The following MGAT5B variants were observed in gnomAD, a reference collection of about 807,000 sequenced individuals.
MGAT5B encodes N-acetylglucosaminyl-transferase Vb.
A neutral mutation model predicts 95.1 loss-of-function variants in MGAT5B; 54 were observed. The ratio of observed to expected loss-of-function variants is 0.57; its 90% CI spans 0.46 to 0.71. The LOEUF (loss-of-function observed/expected upper bound fraction) is 0.71, where lower values mean the gene tolerates loss of function less well. Among genes scored for constraint, MGAT5B ranks in the 30% least tolerant of loss-of-function variants. MGAT5B has a pLI of 0.00. For synonymous variants in MGAT5B, 464 were observed against 451.0 expected (o/e 1.03, Z -0.36); for missense variants, 935 against 1,088.6 (o/e 0.86, Z 1.99).
intron 10 of MGAT5B, among the ~76,000 whole-genome samples, chr17:76,927,814 G>T (rs537325345): frequency 1.3e-5 from 2 of 152,338 alleles, no homozygotes; most frequent in East Asian, 3.9e-4. Flanking sequence ...AGCATCTTGC[G>T]TGTGGCTCTT....
At chr17:76,944,036 G>A (rs1969955721) in intron 15 of MGAT5B, 1 of 152,280 alleles carries the variant, frequency 6.6e-6, no homozygotes, top group African/African-American at 2.4e-5. Context: ...TGTGTCCAGA[G>A]CAAGGCCATT....
At chr17:76,887,096 C>A (rs988012974) in intron 3 of MGAT5B, among the ~76,000 whole-genome samples, 4 of 152,082 alleles carry the variant, frequency 2.6e-5, no homozygotes. Flanking sequence ...CAGTTTATGT[C>A]TTAAGCTGGC....
At chr17:76,908,556 C>A (rs756511780) in intron 8 of MGAT5B, among the ~76,000 whole-genome samples, 1 of 151,468 alleles carries the variant, frequency 6.6e-6, no homozygotes, top group Admixed American at 6.6e-5. Flanking sequence ...CATGAGCCAC[C>A]GTGCTTGGCT....
At position 76,906,007 on chromosome 17, in the gene MGAT5B, C is replaced by T. The variant is rs139788478; in HGVS notation, c.856-11C>T. ...TCCTCTCTGCTGACCCTCTGTGTTC[C>T]GCCCACCCAGATCCTGGTCCACATC... On this transcript the variant is annotated splice_polypyrimidine_tract_variant and intron_variant, in intron 7 of 17. Coordinates refer to ENST00000569840, the MANE Select transcript of MGAT5B (RefSeq NM_001199172.2). The surrounding 1 kb of genome is among the most constrained non-coding windows in gnomAD (Gnocchi z 4.6). The T allele has an allele frequency of 3.8e-4, 611 of 1,594,194 alleles. 5 individuals carry two copies. The African/African-American group carries it at 5.9e-3, about 15-fold the overall frequency.
At chr17:76,903,436 G>A in intron 5 of MGAT5B, 60 bp downstream of exon 5, 17 of 1,434,396 alleles carry the variant, frequency 1.2e-5, no homozygotes, top group Non-Finnish European at 1.6e-5. Flanking sequence ...GTCTGGCCCT[G>A]GCCCCTCACC....
At position 76,880,245 on chromosome 17, in the gene MGAT5B, C is replaced by T. The variant is rs1967360473; in HGVS notation, c.182-1906C>T. Among the ~76,000 whole-genome samples, 4 of 152,266 alleles carry T rather than the reference C, an allele frequency of 2.6e-5. No individual in the cohort carries two copies. In the South Asian group the frequency reaches 8.3e-4, roughly 32 times the overall value. On this transcript the variant is annotated intron_variant, in intron 2 of 17. Transcript: ENST00000569840. ...TTCTTCAGAGCCAGGAGCCCTGTGT[C>T]TTTAAGGAAATCGCAGCTTCTCCTG...
chr17:76,926,471 C>T, intron 9 of MGAT5B, 126 bp from the exon 10 acceptor site: 1 of 915,394 alleles, frequency 1.1e-6, no homozygotes, highest in Non-Finnish European at 1.6e-6. Flanking sequence ...AGTCCAAGTG[C>T]TAACACACAC....
intron 10 of MGAT5B, 101 bp from the exon 11 acceptor site, chr17:76,932,544 C>A: frequency 6.5e-7 from 1 of 1,545,142 alleles, no homozygotes; most frequent in Non-Finnish European, 8.7e-7. Flanking sequence ...CCTTTCCCAC[C>A]CCTGCCAAAA....
In MGAT5B at chr17:76,882,230, A is replaced by G. The variant is rs369390750; in HGVS notation, c.261A>G (p.Ala87=). The G allele has an allele frequency of 2.7e-5, 44 of 1,613,598 alleles. No individual in the cohort carries two copies. The African/African-American group carries it at 4.7e-4, about 17-fold the overall frequency. ...LLELMVKRMD[A]LARLENSSEL... ...AGCTGATGGTGAAGCGCATGGACGC[A>G]CTGGCCAGGCTGGAGAACAGCAGTG... is the stretch of plus-strand genomic sequence containing the variant. The change falls in exon 3 of 18, where the codon GCA becomes GCG. Residue 87 remains alanine (A), a synonymous_variant. Transcript: ENST00000569840.
At chr17:76,882,940 G>T (rs1967490116) in intron 3 of MGAT5B, among the ~76,000 whole-genome samples, 1 of 151,582 alleles carries the variant, frequency 6.6e-6, no homozygotes. Flanking sequence ...GTCTCAAACT[G>T]CTGACCTCAT....
intron 3 of MGAT5B, among the ~76,000 whole-genome samples, chr17:76,899,164 T>A (rs1442979754): frequency 6.6e-6 from 1 of 152,224 alleles, no homozygotes; most frequent in Admixed American, 6.5e-5. Context: ...GCAGGACCCC[T>A]GGCTTGGCTT....
At chr17:76,924,283 A>AGCT (rs1198343233) in intron 8 of MGAT5B, 1 of 152,548 alleles carries the variant, frequency 6.6e-6, no homozygotes, top group Non-Finnish European at 1.5e-5. Context: ...GTCCAGCAGG[A>AGCT]GGAGATGACC....
chr17:76,874,015 A>G (rs1193208390), intron 2 of MGAT5B, among the ~76,000 whole-genome samples: 1 of 152,160 alleles, frequency 6.6e-6, no homozygotes, highest in Non-Finnish European at 1.5e-5. Context: ...CTGTCATCTC[A>G]TCATTAGATT....
intron 8 of MGAT5B, chr17:76,913,692 A>G: frequency 2.0e-6 from 1 of 511,816 alleles, no homozygotes; most frequent in Non-Finnish European, 3.9e-6. Flanking sequence ...AGGAGTAGCC[A>G]AGAGCAAGCC....
At chr17:76,883,352 G>C (rs1967505481) in intron 3 of MGAT5B, among the ~76,000 whole-genome samples, 1 of 152,166 alleles carries the variant, frequency 6.6e-6, no homozygotes, top group African/African-American at 2.4e-5. Flanking sequence ...GGCATGTGTG[G>C]ATACTATGTA....
intron 3 of MGAT5B, chr17:76,882,526 A>C: frequency 2.1e-6 from 1 of 484,316 alleles, no homozygotes; most frequent in Non-Finnish European, 3.5e-6. Context: ...TGAAAACTAA[A>C]AGGCCTTTTA....
At chr17:76,900,439 A>T (rs1968263626) in intron 3 of MGAT5B, among the ~76,000 whole-genome samples, 1 of 152,136 alleles carries the variant, frequency 6.6e-6, no homozygotes, top group African/African-American at 2.4e-5. Flanking sequence ...GTGCTACTGG[A>T]TTTGGATGGG....
At chr17:76,948,169 C>T (rs1424606963) in intron 17 of MGAT5B, 83 bp downstream of exon 17, 14 of 1,492,838 alleles carry the variant, frequency 9.4e-6, no homozygotes, top group East Asian at 2.3e-5. Flanking sequence ...TGCCCAGAAC[C>T]GGCCCTCAGC....
intron 12 of MGAT5B, among the ~76,000 whole-genome samples, chr17:76,937,719 A>T (rs1171350924): frequency 6.6e-6 from 1 of 152,192 alleles, no homozygotes; most frequent in Non-Finnish European, 1.5e-5. Flanking sequence ...AATCCATTTA[A>T]ATGTTGGTCC....
Sources: allele counts gnomAD v4.1 joint callset (sites outside exome capture counted in the v4.1 genomes callset), GRCh38; gene constraint gnomAD v4.1.1; non-coding constraint Gnocchi (gnomAD v3.1); transcripts MANE v1.5; gene names NCBI Gene and HGNC (gene_info 2026-07-23, HGNC 2026-07-21).